LOC400499: variants seen among roughly 807,000 people sequenced by gnomAD.
the LOC400499 span, chr16:11,484,970 G>A: frequency 2.5e-6 from 1 of 399,256 alleles, no homozygotes; most frequent in Non-Finnish European, 4.4e-6. Context: ...TGGCCCTGGG[G>A]GTTCCTCTGG....
the LOC400499 span, among the ~76,000 whole-genome samples, chr16:11,477,329 TG>T: frequency 1.6e-3 from 249 of 152,302 alleles, 1 homozygote; most frequent in African/African-American, 5.7e-3. Flanking sequence ...GCTGAGGGGC[TG>T]GGGACAGATG....
the LOC400499 span, among the ~76,000 whole-genome samples, chr16:11,382,122 A>G: frequency 6.6e-6 from 1 of 151,600 alleles, no homozygotes. Context: ...TTTGTGGTAG[A>G]GACAGGGGTT....
At chr16:11,501,869 T>C in the LOC400499 span, among the ~76,000 whole-genome samples, 1 of 152,146 alleles carries the variant, frequency 6.6e-6, no homozygotes, top group Non-Finnish European at 1.5e-5. Flanking sequence ...GGATAGAGCT[T>C]GGACCCCGTG....
chr16:11,383,971 T>G, the LOC400499 span: 1 of 1,231,692 alleles, frequency 8.1e-7, no homozygotes, highest in Non-Finnish European at 1.0e-6. Flanking sequence ...GGCCTGCTCC[T>G]GCTGAGGCTT....
At chr16:11,384,805 C>A in the LOC400499 span, 2 of 1,182,332 alleles carry the variant, frequency 1.7e-6, no homozygotes, top group South Asian at 8.6e-5. Context: ...CACGGTAGCC[C>A]CCTGCCGCCC....
chr16:11,482,248 G>A, the LOC400499 span, among the ~76,000 whole-genome samples: 2 of 152,180 alleles, frequency 1.3e-5, no homozygotes, highest in East Asian at 1.9e-4. Context: ...AGGCTGTGGT[G>A]CAAGGAGGGG....
At chr16:11,516,349 C>T in the LOC400499 span, 3 of 399,020 alleles carry the variant, frequency 7.5e-6, no homozygotes, top group Admixed American at 8.8e-5. Context: ...CCCTCCAGTG[C>T]CCCAGGCCAC....
At chr16:11,444,982 G>A in the LOC400499 span, among the ~76,000 whole-genome samples, 1 of 152,018 alleles carries the variant, frequency 6.6e-6, no homozygotes, top group Non-Finnish European at 1.5e-5. Flanking sequence ...CCAGCTACTT[G>A]GTAGGCTGAG....
the LOC400499 span, among the ~76,000 whole-genome samples, chr16:11,527,114 G>T: frequency 6.6e-6 from 1 of 152,182 alleles, no homozygotes; most frequent in Non-Finnish European, 1.5e-5. Context: ...CTTACTCTCC[G>T]CAGTCACTGC....
At chr16:11,478,006 C>T in the LOC400499 span, 2 of 398,766 alleles carry the variant, frequency 5.0e-6, no homozygotes, top group South Asian at 2.6e-4. Flanking sequence ...CCTCCTGCCC[C>T]TGCAGCCAAG....
chr16:11,450,519 C>A, the LOC400499 span: 6 of 1,313,328 alleles, frequency 4.6e-6, no homozygotes, highest in Non-Finnish European at 6.3e-6. Context: ...GCTATCTGCC[C>A]ACAGACCTCA....
At chr16:11,390,025 C>T in the LOC400499 span, 5 of 920,578 alleles carry the variant, frequency 5.4e-6, no homozygotes, top group Admixed American at 4.3e-5. Context: ...GTCAGTGTGT[C>T]GGAAGGTGTC....
At chr16:11,490,721 A>C in the LOC400499 span, among the ~76,000 whole-genome samples, 1 of 152,192 alleles carries the variant, frequency 6.6e-6, no homozygotes, top group African/African-American at 2.4e-5. Context: ...ACAAAACAAA[A>C]AAGCCAAGAG....
chr16:11,418,385 A>T, the LOC400499 span, among the ~76,000 whole-genome samples: 145 of 152,186 alleles, frequency 9.5e-4, no homozygotes, highest in Non-Finnish European at 1.8e-3. Flanking sequence ...CTTGCTGATA[A>T]AACAGGTTGC....
the LOC400499 span, chr16:11,424,119 C>T: frequency 2.5e-6 from 1 of 399,430 alleles, no homozygotes; most frequent in Non-Finnish European, 4.4e-6. Flanking sequence ...CTGGAAGTGC[C>T]CGTGGCCATC....
At chr16:11,431,541 G>A in the LOC400499 span, among the ~76,000 whole-genome samples, 5 of 152,124 alleles carry the variant, frequency 3.3e-5, no homozygotes, top group African/African-American at 1.2e-4. Flanking sequence ...GAGTAGCTGG[G>A]ATTACAGGGA....
At chr16:11,511,546 T>C in the LOC400499 span, among the ~76,000 whole-genome samples, 4 of 152,166 alleles carry the variant, frequency 2.6e-5, no homozygotes, top group African/African-American at 4.8e-5. Context: ...TGCCACAACA[T>C]GGATGAACCT....
chr16:11,428,828 G>C, the LOC400499 span, among the ~76,000 whole-genome samples: 1 of 151,890 alleles, frequency 6.6e-6, no homozygotes, highest in Admixed American at 6.6e-5. Flanking sequence ...AGGGGATAAA[G>C]AAAATAACAC....
At chr16:11,394,374 T>A in the LOC400499 span, among the ~76,000 whole-genome samples, 1 of 152,184 alleles carries the variant, frequency 6.6e-6, no homozygotes, top group Non-Finnish European at 1.5e-5. Context: ...AGCTACCCTG[T>A]ATTCTAGTCC....
Sources: allele counts gnomAD v4.1 joint callset (sites outside exome capture counted in the v4.1 genomes callset), GRCh38; gene constraint gnomAD v4.1.1; transcripts MANE v1.5.